Variants in SLC12A6 observed in about 807,000 individuals in gnomAD.
SLC12A6 encodes the protein solute carrier family 12 member 6, also known as K-Cl cotransporter 3.
SLC12A6 carries 66 observed loss-of-function variants against 135.3 expected under a neutral mutation model. The observed-to-expected ratio is 0.49, with a 90% CI of 0.40 to 0.60. The LOEUF (loss-of-function observed/expected upper bound fraction) is 0.60. Among genes scored for constraint, SLC12A6 ranks in the 20% least tolerant of loss-of-function variants. The pLI, the probability that SLC12A6 is intolerant of heterozygous loss-of-function variation, is 0.00. For missense variants in SLC12A6, 1,058 were observed against 1,452.3 expected (o/e 0.73, Z 4.41); for synonymous variants, 513 against 508.8 (o/e 1.01, Z -0.11).
Position 34,238,390 on chromosome 15 carries a change from C to T in SLC12A6, c.2644G>A (p.Val882Met). ...AGTGCAAGATGGGCAGCAGTTGTCA[C>T]TCGAACTGTGCCTAGGGAGAAAAAA... ...AWKTFIGTVR[V>M]TTAAHLALLV... The change falls in exon 21 of 26, where the codon GTG (valine) becomes ATG (methionine). Residue 882 changes from valine to methionine, a missense_variant. Around this residue, in one of 6 missense-constraint regions of SLC12A6, gnomAD observed 245 missense variants for 440.8 expected, o/e 0.56. Transcript: ENST00000354181. The T allele has an allele frequency of 6.2e-7, 1 of 1,613,198 alleles. No individual in the cohort carries two copies. Among genetic ancestry groups the T allele is most frequent in the South Asian group, 1.1e-5 (1 of 91,054 alleles).
In SLC12A6 at chr15:34,231,201, GAAAATAC is replaced by G; in HGVS notation, c.*2673_*2679del. On this transcript the variant is annotated 3_prime_UTR_variant, in exon 26 of 26. Coordinates refer to ENST00000354181, the MANE Select transcript of SLC12A6 (RefSeq NM_001365088.1). ...TCAGTAGAGAAACCCCGTCTCTACT[GAAAATAC>G]AAAATTAGCTGGGTGTGGTGGCACA... The G allele has an allele frequency of 6.6e-6, 1 of 152,184 alleles. No homozygotes were observed. The highest frequency in any genetic ancestry group is 2.4e-5 in the African/African-American group (1 of 41,398). The allele number at this position is 152,184 out of a possible 1,614,324, so 9.4% of individuals were successfully genotyped here.
intron 2 of SLC12A6, among the ~76,000 whole-genome samples, chr15:34,286,767 G>C (rs1338336323): frequency 6.6e-6 from 1 of 152,076 alleles, no homozygotes; most frequent in African/African-American, 2.4e-5. Flanking sequence ...CTGCATTCTA[G>C]ACAAAGTGAG....
In SLC12A6 at chr15:34,240,696, G is replaced by A. The variant is rs1356085653; in HGVS notation, c.2401C>T (p.Leu801=). Residue 801 remains leucine, a synonymous_variant, in exon 19 of 26, where the codon CTA becomes TTA. Transcript: ENST00000354181. ...GCTAAAGCTTCACCGTAGTTCTCTA[G>A]GAAGTTCCCCACGATGACAGAGCCC... ...IVGSVIVGNF[L]ENYGEALAAE... The A allele has an allele frequency of 6.2e-7, 1 of 1,614,076 alleles. No homozygotes were observed.
chr15:34,311,403 T>C (rs1045469263), intron 2 of SLC12A6, among the ~76,000 whole-genome samples: 2 of 152,260 alleles, frequency 1.3e-5, no homozygotes, highest in African/African-American at 4.8e-5. Context: ...TGGAAATTCA[T>C]ATCTGATTAA....
chr15:34,273,764 C>G (rs1373191083), intron 3 of SLC12A6, among the ~76,000 whole-genome samples: 1 of 152,022 alleles, frequency 6.6e-6, no homozygotes, highest in African/African-American at 2.4e-5. Flanking sequence ...TGTTAAATAC[C>G]AAATAATATA....
chr15:34,294,990 T>G (rs1895784965), intron 2 of SLC12A6, among the ~76,000 whole-genome samples: 1 of 152,248 alleles, frequency 6.6e-6, no homozygotes, highest in Non-Finnish European at 1.5e-5. Context: ...ACAAGTGTCA[T>G]GAATAATTTT....
chr15:34,242,522 A>G lies in SLC12A6; in HGVS notation c.2043-301T>C, dbSNP rs16958878. The stretch of plus-strand genomic sequence containing the variant: ...TAAACCCCAAACTGTCCTTTGCAAC[A>G]GAAGATGTTTCCAACTGCTGGAAAA... On this transcript the variant is annotated intron_variant, in intron 16 of 25. Coordinates refer to ENST00000354181, the MANE Select transcript of SLC12A6 (RefSeq NM_001365088.1). Among the ~76,000 whole-genome samples the G allele has an allele frequency of 0.11, 16,747 of 152,222 alleles. 1,011 individuals are homozygous for G. Among genetic ancestry groups the G allele is most frequent in the East Asian group, 0.28 (1,427 of 5,174 alleles).
Position 34,256,273 on chromosome 15 carries a change from G to C in SLC12A6, c.701C>G (p.Thr234Ser). 6.2e-7 allele frequency: 1 copy of C among 1,602,780 alleles called. No individual in the cohort carries two copies. Among genetic ancestry groups the C allele is most frequent in the Non-Finnish European group, 8.5e-7 (1 of 1,169,706 alleles). Residue 234 changes from threonine (T) to serine (S), a missense_variant, in exon 7 of 26, where the codon ACT becomes AGT. Around this residue, in one of 6 missense-constraint regions of SLC12A6, gnomAD observed 139 missense variants for 202.2 expected, o/e 0.69. Transcript: ENST00000354181. ...GGCAATGGCACTCATGGAGATAGCA[G>C]TCAACATTGTCTGCAGAGAAAAGGA... ...VLICCCCTML[T>S]AISMSAIATN...
rs1173921513 is a variant in SLC12A6, at chr15:34,337,348, T to TGAGCAGAGGAGGATGCAG, written c.-107_-90dup. ...ATAACCCACACTACTGAGAGAAGGG[T>TGAGCAGAGGAGGATGCAG]GAGCAGAGGAGGATGCAGGGGCAGA... On this transcript the variant is annotated 5_prime_UTR_variant, in exon 1 of 26. Coordinates refer to ENST00000354181, the MANE Select transcript of SLC12A6 (RefSeq NM_001365088.1). 3.3e-4 allele frequency: 52 copies of TGAGCAGAGGAGGATGCAG among 155,858 alleles called. 1 individual carries two copies. The highest frequency in any genetic ancestry group is 1.6e-3 in the South Asian group (9 of 5,474). 9.7% of individuals were successfully genotyped at this position (155,858 alleles called of 1,614,324 possible).
At position 34,245,817 on chromosome 15, in the gene SLC12A6, G is replaced by C; in HGVS notation, c.1700C>G (p.Pro567Arg). ...GCCAATAACAATCACCCATGGGGAT[G>C]GCCAAGATAAGGTGCCTACCACCAA... ...GNLVVGTLSW[P>R]SPWVIVIGSF... Residue 567 changes from proline (P) to arginine (R), a missense_variant, in exon 14 of 26, where the codon CCA becomes CGA. By Grantham distance (103) the Pro-to-Arg change is moderately radical. Around this residue, in one of 6 missense-constraint regions of SLC12A6, gnomAD observed 170 missense variants for 297.6 expected, o/e 0.57. Transcript: ENST00000354181. The C allele has an allele frequency of 1.9e-6, 3 of 1,613,388 alleles. No individual in the cohort carries two copies. Among genetic ancestry groups the C allele is most frequent in the Non-Finnish European group, 2.5e-6 (3 of 1,179,376 alleles).
At chr15:34,324,267 G>C (rs1889318147) in intron 2 of SLC12A6, among the ~76,000 whole-genome samples, 1 of 152,058 alleles carries the variant, frequency 6.6e-6, no homozygotes, top group South Asian at 2.1e-4. Context: ...GAATCATACA[G>C]GTATGAAATA....
Position 34,336,411 on chromosome 15 carries a change from C to G in SLC12A6, c.270G>C (p.Glu90Asp), listed in dbSNP as rs1280500936. 2 of 1,613,320 alleles carry G rather than the reference C, an allele frequency of 1.2e-6. No homozygotes were observed. The highest frequency in any genetic ancestry group is 3.3e-5 in the Admixed American group (2 of 60,010). ...DRTSHPQDVI[E>D]DLSQNSITGE... ...GCTGCGGTCTGTGTTTCTACTTACCCTCGATGACATCCTGGGGGTGAGAAG... is the reference window on the plus strand; with the variant it reads ...GCTGCGGTCTGTGTTTCTACTTACCGTCGATGACATCCTGGGGGTGAGAAG... Residue 90 changes from glutamate (E) to aspartate (D), a missense_variant and splice_region_variant, in exon 2 of 26, where the codon GAG becomes GAC. Physicochemically the swap from Glu to Asp is conservative, Grantham distance 45. Coordinates refer to ENST00000354181, the MANE Select transcript of SLC12A6 (RefSeq NM_001365088.1).
At chr15:34,243,183 C>T (rs1411578011) in intron 16 of SLC12A6, among the ~76,000 whole-genome samples, 2 of 152,082 alleles carry the variant, frequency 1.3e-5, no homozygotes, top group African/African-American at 4.8e-5. Flanking sequence ...TGAGCCACCA[C>T]GCCCGGCCTC....
intron 2 of SLC12A6, among the ~76,000 whole-genome samples, chr15:34,314,559 T>C (rs1488651312): frequency 6.6e-6 from 1 of 152,244 alleles, no homozygotes; most frequent in East Asian, 1.9e-4. Context: ...AGGAATTATT[T>C]CAACTTCCAA....
At chr15:34,337,240 G>A (rs1443585485) in intron 1 of SLC12A6, 92 bp downstream of exon 1, 1 of 173,326 alleles carries the variant, frequency 5.8e-6, no homozygotes, top group African/African-American at 2.4e-5. Flanking sequence ...CTGGGGGGAG[G>A]TGTATGCAAA....
Position 34,250,214 on chromosome 15 carries a change from C to T in SLC12A6, c.1649+84G>A, listed in dbSNP as rs892714533. 13 of 867,392 alleles carry T rather than the reference C, an allele frequency of 1.5e-5. No homozygotes were observed. The African/African-American group carries it at 1.8e-4, about 12-fold the overall frequency. 53.7% of individuals were successfully genotyped at this position (867,392 alleles called of 1,614,324 possible). On this transcript the variant is annotated intron_variant, in intron 13 of 25. Transcript: ENST00000354181. The stretch of plus-strand genomic sequence containing the variant: ...GCCACGGTGCCTGGCTGTGTTGAGT[C>T]TGTAACTGTCTTGGAGCTATGTGGA...
At chr15:34,314,070 C>T (rs1484971129) in intron 2 of SLC12A6, among the ~76,000 whole-genome samples, 6 of 133,542 alleles carry the variant, frequency 4.5e-5, no homozygotes, top group Admixed American at 3.8e-4. Context: ...TTTTTTGAGA[C>T]GTAGTCTTGC....
intron 2 of SLC12A6, among the ~76,000 whole-genome samples, chr15:34,308,630 C>CAAAAAAAAAA (rs536506096): frequency 2.5e-4 from 16 of 63,286 alleles, no homozygotes; most frequent in African/African-American, 7.5e-4. Flanking sequence ...GTCCACCTGA[C>CAAAAAAAAAA]AAAAAAAAAA....
chr15:34,236,683 T>G lies in SLC12A6; in HGVS notation c.3042+25A>C, dbSNP rs368558133. ...AGTGACAGACTTTAGAGAGCACGGA[T>G]TGGATTGATGCAGTAATGTCTCACC... On this transcript the variant is annotated intron_variant, in intron 23 of 25. Transcript: ENST00000354181. 1.2e-3 allele frequency: 1,519 copies of G among 1,256,734 alleles called. 27 individuals are homozygous for G. The South Asian group carries it at 0.017, about 14-fold the overall frequency. The allele number at this position is 1,256,734 out of a possible 1,614,324, so 77.8% of individuals were successfully genotyped here.
Sources: allele counts gnomAD v4.1 joint callset (sites outside exome capture counted in the v4.1 genomes callset), GRCh38; gene constraint gnomAD v4.1.1; regional missense constraint gnomAD v4.1.1; transcripts MANE v1.5; gene names NCBI Gene and HGNC (gene_info 2026-07-23, HGNC 2026-07-21).